DAGLA: variants seen among roughly 807,000 people sequenced by gnomAD.
The protein encoded by DAGLA is diacylglycerol lipase alpha, also known as diacylglycerol lipase-alpha.
Under a neutral mutation model 102.6 loss-of-function variants are expected in DAGLA, and 22 were observed. The ratio of observed to expected loss-of-function variants is 0.21; its 90% confidence interval spans 0.15 to 0.31. DAGLA has a LOEUF of 0.31. DAGLA is among the 10% of genes least tolerant of loss of function. The pLI is 1.00. For missense variants in DAGLA, 927 were observed against 1,446.6 expected (o/e 0.64, Z 5.83); for synonymous variants, 578 against 628.9 (o/e 0.92, Z 1.21).
In DAGLA at chr11:61,744,524, G is replaced by T; in HGVS notation, c.*35G>T. ...TGCGTGGCCAGCCGGGCCCAGGCAG[G>T]AGCAGGTGGCCCTGTGGGCACCTGG... On this transcript the variant is annotated 3_prime_UTR_variant, in exon 20 of 20. Transcript: ENST00000257215. The T allele has an allele frequency of 6.6e-7, 1 of 1,510,560 alleles. No homozygotes were observed. 93.6% of individuals were successfully genotyped at this position (1,510,560 alleles called of 1,614,324 possible).
rs1254722054 is a variant in DAGLA, at chr11:61,734,544, A to C, written c.975-305A>C. Among the ~76,000 whole-genome samples, 1 of 152,094 alleles carries C rather than the reference A, an allele frequency of 6.6e-6. No individual in the cohort carries two copies. Among genetic ancestry groups the C allele is most frequent in the Non-Finnish European group, 1.5e-5 (1 of 68,010 alleles). On this transcript the variant is annotated intron_variant, in intron 9 of 19. Coordinates refer to ENST00000257215, the MANE Select transcript of DAGLA (RefSeq NM_006133.3). This position sits in a 1 kb window ranked among gnomAD's most constrained non-coding sequence, Gnocchi z 4.2. Reference sequence around the variant, plus strand: ...GCCCCCAGAGGGACCCCAGGGCTTCAGTGTTGGGTGCATCGCTGAGTAGGC... The same window carrying C: ...GCCCCCAGAGGGACCCCAGGGCTTCCGTGTTGGGTGCATCGCTGAGTAGGC...
chr11:61,741,033 A>G, intron 18 of DAGLA, 129 bp from the exon 19 acceptor site: 1 of 842,016 alleles, frequency 1.2e-6, no homozygotes, highest in Admixed American at 2.8e-5. Context: ...CAGGAGGAGG[A>G]GAGTGGGACC....
In DAGLA at chr11:61,712,963, C is replaced by T. The variant is rs77481485; in HGVS notation, c.-44-7149C>T. ...AGGGATCTTCGTGCAAACCATTTTGCCTCTCTGAGCCTTGGTTTCTTCATC... is the reference window on the plus strand; with the variant it reads ...AGGGATCTTCGTGCAAACCATTTTGTCTCTCTGAGCCTTGGTTTCTTCATC... On this transcript the variant is annotated intron_variant, in intron 1 of 19. Transcript: ENST00000257215. 6.8e-4 allele frequency among the ~76,000 whole-genome samples: 104 copies of T among 152,290 alleles called. 1 individual carries two copies. Among genetic ancestry groups the T allele is most frequent in the Non-Finnish European group, 1.1e-3 (75 of 68,024 alleles).
At chr11:61,728,344 C>T (rs1165787185) in intron 7 of DAGLA, 57 bp downstream of exon 7, 2 of 1,589,674 alleles carry the variant, frequency 1.3e-6, no homozygotes, top group African/African-American at 2.7e-5. Flanking sequence ...TTCTTTCAGG[C>T]CCCTTCCCTG....
At chr11:61,716,274 C>A (rs1016469931) in intron 1 of DAGLA, among the ~76,000 whole-genome samples, 2 of 152,100 alleles carry the variant, frequency 1.3e-5, no homozygotes, top group African/African-American at 2.4e-5. Flanking sequence ...TGACCAGGGC[C>A]ATGCTGGGGG....
intron 14 of DAGLA, 63 bp downstream of exon 14, chr11:61,737,387 G>A: frequency 6.3e-7 from 1 of 1,598,086 alleles, no homozygotes; most frequent in Non-Finnish European, 8.5e-7. Flanking sequence ...CTGAGGGTTG[G>A]CTGGTGCTAG....
At chr11:61,690,599 C>T (rs2065015906) in intron 1 of DAGLA, among the ~76,000 whole-genome samples, 1 of 152,170 alleles carries the variant, frequency 6.6e-6, no homozygotes, top group Non-Finnish European at 1.5e-5. Flanking sequence ...ATGGAGGAAG[C>T]ACTCGTTTCA....
chr11:61,741,031 G>C, intron 18 of DAGLA, 131 bp from the exon 19 acceptor site: 1 of 832,050 alleles, frequency 1.2e-6, no homozygotes, highest in Non-Finnish European at 1.8e-6. Context: ...CTCAGGAGGA[G>C]GAGAGTGGGA....
At position 61,738,556 on chromosome 11, in the gene DAGLA, G is replaced by A. The variant is rs528816828; in HGVS notation, c.1656+349G>A. Among the ~76,000 whole-genome samples, 29 of 152,342 alleles carry A rather than the reference G, an allele frequency of 1.9e-4. No individual in the cohort carries two copies. In the South Asian group the frequency reaches 5.2e-3, roughly 27 times the overall value. Reference sequence around the variant, plus strand: ...AGAAAGCGATCTGGAGGCTTTGAGCGGTGAGGAAAGGCCTCTGCCGAAGCC... The same window carrying A: ...AGAAAGCGATCTGGAGGCTTTGAGCAGTGAGGAAAGGCCTCTGCCGAAGCC... On this transcript the variant is annotated intron_variant, in intron 16 of 19. Transcript: ENST00000257215.
intron 1 of DAGLA, among the ~76,000 whole-genome samples, chr11:61,713,073 C>T (rs938246653): frequency 5.9e-5 from 9 of 152,204 alleles, no homozygotes; most frequent in African/African-American, 2.2e-4. Context: ...TCTCTCCCGA[C>T]TCCACAGCCT....
chr11:61,721,806 T>A (rs964776302), intron 3 of DAGLA, among the ~76,000 whole-genome samples: 1 of 152,256 alleles, frequency 6.6e-6, no homozygotes, highest in African/African-American at 2.4e-5. Flanking sequence ...GTGGGTGTTA[T>A]TGGTCTCCGT....
intron 13 of DAGLA, 110 bp from the exon 14 acceptor site, chr11:61,737,072 G>A: frequency 6.9e-7 from 1 of 1,454,282 alleles, no homozygotes; most frequent in Non-Finnish European, 9.5e-7. Context: ...GCACAGACAA[G>A]ATCCCAGGAC....
intron 1 of DAGLA, among the ~76,000 whole-genome samples, chr11:61,712,331 T>G (rs2065200719): frequency 6.6e-6 from 1 of 152,210 alleles, no homozygotes; most frequent in African/African-American, 2.4e-5. Flanking sequence ...TGAGGATGGT[T>G]ATGTGGCTGG....
intron 1 of DAGLA, among the ~76,000 whole-genome samples, chr11:61,683,386 T>C (rs758166350): frequency 1.1e-4 from 17 of 152,218 alleles, no homozygotes; most frequent in Non-Finnish European, 2.4e-4. Context: ...GGGGTATCCA[T>C]GGCCTGTCTC....
At position 61,740,453 on chromosome 11, in the gene DAGLA, T is replaced by G; in HGVS notation, c.1854-10T>G. The stretch of plus-strand genomic sequence containing the variant: ...CACCCTTAACTCCCCTCTGTCCATG[T>G]CCCTCTCAGCTGCTGTGAGCAGGAG... On this transcript the variant is annotated splice_polypyrimidine_tract_variant and intron_variant, in intron 17 of 19. Transcript: ENST00000257215. The G allele has an allele frequency of 6.2e-7, 1 of 1,613,036 alleles. No homozygotes were observed. Among genetic ancestry groups the G allele is most frequent in the Non-Finnish European group, 8.5e-7 (1 of 1,179,666 alleles).
chr11:61,734,981 C>T lies in DAGLA; in HGVS notation c.1107C>T (p.Val369=), dbSNP rs778254668. The part of the protein sequence containing the change: ...LDENMTAVDI[V]YTSCHDAVYE... ...AGAACATGACTGCGGTGGACATCGT[C>T]TATACCTCCTGCCATGATGCGGTGA... The change falls in exon 10 of 20, where the codon GTC becomes GTT. Residue 369 remains valine, a synonymous_variant. Coordinates refer to ENST00000257215, the MANE Select transcript of DAGLA (RefSeq NM_006133.3). The surrounding 1 kb of genome is among the most constrained non-coding windows in gnomAD (Gnocchi z 4.2). 3 of 1,613,700 alleles carry T rather than the reference C, an allele frequency of 1.9e-6. No homozygotes were observed.
In DAGLA at chr11:61,735,832, G is replaced by A. The variant is rs776141352; in HGVS notation, c.1290+16G>A. 57 of 1,598,648 alleles carry A rather than the reference G, an allele frequency of 3.6e-5. No homozygotes were observed. The highest frequency in any genetic ancestry group is 4.8e-5 in the Non-Finnish European group (56 of 1,172,828). ...GGGCCACAAGGTAACCCACGTCATGGACCCCAGGGCCCCTGGGCTTCTTTC... is the reference window on the plus strand; with the variant it reads ...GGGCCACAAGGTAACCCACGTCATGAACCCCAGGGCCCCTGGGCTTCTTTC... On this transcript the variant is annotated intron_variant, in intron 12 of 19. Coordinates refer to ENST00000257215, the MANE Select transcript of DAGLA (RefSeq NM_006133.3).
At chr11:61,741,498 T>C in intron 19 of DAGLA, 149 bp downstream of exon 19, 1 of 881,382 alleles carries the variant, frequency 1.1e-6, no homozygotes, top group Non-Finnish European at 1.7e-6. Context: ...GCTCTAGGGC[T>C]CTCTTGCTGT....
intron 6 of DAGLA, among the ~76,000 whole-genome samples, chr11:61,727,722 C>T (rs2065340975): frequency 6.6e-6 from 1 of 152,234 alleles, no homozygotes; most frequent in African/African-American, 2.4e-5. Flanking sequence ...TTACGAGGGA[C>T]TTCCAAGGTC....
Sources: gnomAD v4.1 joint callset for allele counts (sites outside exome capture counted in the v4.1 genomes callset) on GRCh38, gnomAD v4.1.1 for gene constraint, Gnocchi (gnomAD v3.1) non-coding constraint, MANE v1.5 for transcripts, NCBI Gene and HGNC (gene_info 2026-07-23, HGNC 2026-07-21) for gene names.